The following SEM1 variants were observed in gnomAD, a reference collection of about 807,000 sequenced individuals.
SEM1 encodes SEM1 26S proteasome subunit.
In SEM1, 3 loss-of-function variants were observed where a neutral mutation model predicts 12.7. The observed-to-expected ratio is 0.24, with a 90% confidence interval of 0.11 to 0.61. The LOEUF is 0.61. Among genes scored for constraint, SEM1 ranks in the 20% least tolerant of loss-of-function variants. The pLI, the probability that SEM1 is intolerant of heterozygous loss-of-function variation, is 0.88. For synonymous variants in SEM1, 30 were observed against 27.8 expected (o/e 1.08, Z -0.25); for missense variants, 59 against 81.3 (o/e 0.73, Z 1.06).
At chr7:96,565,705 A>G (rs1805825259) in intron 2 of SEM1, among the ~76,000 whole-genome samples, 1 of 151,890 alleles carries the variant, frequency 6.6e-6, no homozygotes. Flanking sequence ...GGCTTTAAAA[A>G]GCTTTAAAAA....
chr7:96,570,051 T>A (rs1805971284), intron 2 of SEM1, among the ~76,000 whole-genome samples: 1 of 152,098 alleles, frequency 6.6e-6, no homozygotes. Flanking sequence ...AGTAGTGGGA[T>A]TGCTGAATTG....
At chr7:96,544,688 T>C (rs1170228489) in intron 2 of SEM1, among the ~76,000 whole-genome samples, 1 of 152,018 alleles carries the variant, frequency 6.6e-6, no homozygotes, top group Non-Finnish European at 1.5e-5. Context: ...ATCAGAAGCC[T>C]TATCAATAAC....
chr7:96,551,705 C>CAAAA (rs56316029), intron 2 of SEM1, among the ~76,000 whole-genome samples: 8 of 84,054 alleles, frequency 9.5e-5, no homozygotes, highest in Admixed American at 1.3e-4. Context: ...GACTCTGTCT[C>CAAAA]AAAAAAAAAA....
intron 2 of SEM1, among the ~76,000 whole-genome samples, chr7:96,528,515 T>C (rs186814724): frequency 4.9e-4 from 74 of 152,266 alleles, no homozygotes; most frequent in Admixed American, 1.2e-3. Flanking sequence ...CTGGACAAAT[T>C]TGAGAAGACT....
chr7:96,483,904 A>G (rs1191819366), exon 4 of SEM1: 1 of 1,536,658 alleles, frequency 6.5e-7, no homozygotes, highest in Non-Finnish European at 8.7e-7. Context: ...GGTCACCCGA[A>G]TGGCAGCCAG....
At chr7:96,657,443 A>G (rs1809216564) in intron 2 of SEM1, among the ~76,000 whole-genome samples, 1 of 152,214 alleles carries the variant, frequency 6.6e-6, no homozygotes, top group Non-Finnish European at 1.5e-5. Context: ...ATTTGGGTTC[A>G]GGCTATTTCC....
chr7:96,635,692 G>T (rs369320009), intron 2 of SEM1, among the ~76,000 whole-genome samples: 1 of 152,090 alleles, frequency 6.6e-6, no homozygotes, highest in African/African-American at 2.4e-5. Context: ...AAGCTGATGG[G>T]TATGCAATAC....
chr7:96,621,892 C>T (rs910949958), downstream of SEM1: 12 of 152,240 alleles, frequency 7.9e-5, no homozygotes, highest in Non-Finnish European at 1.5e-4. Flanking sequence ...GTAGCTTCTT[C>T]TTCCCTATAG....
In SEM1 at chr7:96,694,567, T is replaced by C. The variant is rs78596690; in HGVS notation, c.170+231A>G. ...GGATAAGAAATAGCAAATATGCTTC[T>C]ATTTTACTACCTTTGTAAAAAGACC... On this transcript the variant is annotated intron_variant, in intron 2 of 2. Transcript: ENST00000248566. 1.9e-4 allele frequency among the ~76,000 whole-genome samples: 29 copies of C among 152,136 alleles called. No individual in the cohort carries two copies. In the East Asian group the frequency reaches 5.2e-3, roughly 27 times the overall value.
intron 1 of SEM1, among the ~76,000 whole-genome samples, chr7:96,488,894 G>A (rs886369537): frequency 6.6e-6 from 1 of 152,040 alleles, no homozygotes; most frequent in East Asian, 1.9e-4. Flanking sequence ...AATAATTGAA[G>A]TTAAAAGAAG....
chr7:96,616,576 G>T (rs1807728908), intron 2 of SEM1, among the ~76,000 whole-genome samples: 3 of 151,896 alleles, frequency 2.0e-5, no homozygotes, highest in Admixed American at 1.3e-4. Flanking sequence ...GTCTATTTTT[G>T]TTTTTGTTGC....
Position 96,690,739 on chromosome 7 carries a change from A to G in SEM1, c.171-1773T>C, listed in dbSNP as rs967421208. On this transcript the variant is annotated intron_variant, in intron 2 of 2. Coordinates refer to ENST00000248566, the MANE Select transcript of SEM1 (RefSeq NM_006304.2). ...ACTACTCAGCTTTATGACAATGGCT[A>G]TATCTGATTTGGTAAATCAGGAACT... 7.2e-5 allele frequency among the ~76,000 whole-genome samples: 11 copies of G among 152,314 alleles called. 1 individual carries two copies. In the South Asian group the frequency reaches 1.9e-3, roughly 26 times the overall value.
chr7:96,602,165 T>C (rs1166174732), intron 2 of SEM1, among the ~76,000 whole-genome samples: 1 of 152,156 alleles, frequency 6.6e-6, no homozygotes, highest in African/African-American at 2.4e-5. Flanking sequence ...GTTGAAGATA[T>C]AAATTTGGGA....
rs558019061 is a variant in SEM1 at position 96,657,875 on chromosome 7, C to T, written c.171-35232G>A. Reference sequence around the variant, plus strand: ...TGCCCTTTTTGTGTACTCTGAAAGGCGCCTGGTGGGGAGGCCCGAGGAGCC... The same window carrying T: ...TGCCCTTTTTGTGTACTCTGAAAGGTGCCTGGTGGGGAGGCCCGAGGAGCC... On this transcript the variant is annotated intron_variant, in intron 2 of 2. Coordinates refer to the SEM1 transcript ENST00000417009. Among the ~76,000 whole-genome samples the T allele has an allele frequency of 1.2e-4, 18 of 152,160 alleles. No homozygotes were observed. The South Asian group carries it at 2.7e-3, about 23-fold the overall frequency.
intron 2 of SEM1, among the ~76,000 whole-genome samples, chr7:96,557,922 G>A (rs1289960216): frequency 2.0e-5 from 3 of 152,186 alleles, no homozygotes; most frequent in Non-Finnish European, 1.5e-5. Context: ...CGTTGGAAAA[G>A]GGCAGTATTC....
At chr7:96,568,478 T>A (rs1323376752) in intron 2 of SEM1, among the ~76,000 whole-genome samples, 1 of 151,816 alleles carries the variant, frequency 6.6e-6, no homozygotes, top group African/African-American at 2.4e-5. Flanking sequence ...ACACTTTATT[T>A]ACTAGTTTCT....
At chr7:96,622,526 A>G, downstream of SEM1, 1 of 721,042 alleles carries the variant, frequency 1.4e-6, no homozygotes, top group South Asian at 1.5e-5. Context: ...AAGCTCTCAT[A>G]TGGCAAGGGG....
At chr7:96,689,450 A>G (rs1403961620) in intron 2 of SEM1, among the ~76,000 whole-genome samples, 2 of 152,216 alleles carry the variant, frequency 1.3e-5, no homozygotes, top group African/African-American at 2.4e-5. Flanking sequence ...ATATTGACAT[A>G]TATGTATTGC....
At chr7:96,679,819 CTT>C (rs1041512371) in intron 2 of SEM1, among the ~76,000 whole-genome samples, 2 of 152,040 alleles carry the variant, frequency 1.3e-5, no homozygotes, top group Non-Finnish European at 2.9e-5. Flanking sequence ...CTTCTGATCT[CTT>C]GATTCAATGG....
Sources: gnomAD v4.1 joint callset for allele counts (sites outside exome capture counted in the v4.1 genomes callset) on GRCh38, gnomAD v4.1.1 for gene constraint, MANE v1.5 for transcripts, NCBI Gene and HGNC (gene_info 2026-07-23, HGNC 2026-07-21) for gene names.